The following GRM5 variants were observed in gnomAD, a reference collection of about 807,000 sequenced individuals.
GRM5 encodes the protein glutamate metabotropic receptor 5.
In GRM5, 19 loss-of-function variants were observed where a neutral mutation model predicts 83.1. The observed-to-expected ratio is 0.23, with a 90% confidence interval of 0.16 to 0.34. The LOEUF is 0.34. Among genes scored for constraint, GRM5 ranks in the 10% least tolerant of loss-of-function variants. The pLI, the probability that GRM5 is intolerant of heterozygous loss-of-function variation, is 1.00. For synonymous variants in GRM5, 675 were observed against 633.6 expected, an observed-to-expected ratio of 1.07 and a Z score of -0.98; for missense variants, 1,160 against 1,588.3, an observed-to-expected ratio of 0.73 and a Z score of 4.58.
intron 3 of GRM5, among the ~76,000 whole-genome samples, chr11:88,806,133 G>A (rs1428661839): frequency 6.6e-6 from 1 of 152,142 alleles, no homozygotes; most frequent in Non-Finnish European, 1.5e-5. Context: ...AAAAAACTTT[G>A]TGGTTCTTAA....
chr11:88,876,098 C>T (rs1296543387), intron 2 of GRM5, among the ~76,000 whole-genome samples: 1 of 152,140 alleles, frequency 6.6e-6, no homozygotes, highest in African/African-American at 2.4e-5. Context: ...ATAGCATCTT[C>T]TTCCAATACA....
rs1939682706 is a variant in GRM5 at position 88,653,282 on chromosome 11, G to A, written c.1033C>T (p.Arg345Trp). Residue 345 changes from arginine (R) to tryptophan (W), a missense_variant, in exon 4 of 10, where the codon CGG (arginine) becomes TGG (tryptophan). By Grantham distance (101) the Arg-to-Trp change is moderately radical. This residue lies in a region of GRM5 where 132 missense variants were observed against 197.6 expected (regional missense o/e 0.67). Coordinates refer to ENST00000305447, the MANE Select transcript of GRM5 (RefSeq NM_001143831.3). ...KWFDDYYLKL[R>W]PETNHRNPWF... Reference sequence around the variant, plus strand: ...GGGTTTCGGTGGTTTGTTTCTGGCCGGAGCTTCAGATAATAATCATCAAAC... The same window carrying A: ...GGGTTTCGGTGGTTTGTTTCTGGCCAGAGCTTCAGATAATAATCATCAAAC... 1 of 1,612,994 alleles carries A rather than the reference G, an allele frequency of 6.2e-7. No individual in the cohort carries two copies. Among genetic ancestry groups the A allele is most frequent in the Non-Finnish European group, 8.5e-7 (1 of 1,179,330 alleles).
chr11:89,043,447 C>T (rs567538422), intron 2 of GRM5, among the ~76,000 whole-genome samples: 1 of 152,246 alleles, frequency 6.6e-6, no homozygotes, highest in East Asian at 1.9e-4. Context: ...AACATTCAGA[C>T]TTTAAGGGAA....
intron 3 of GRM5, among the ~76,000 whole-genome samples, chr11:88,763,844 A>G (rs936281308): frequency 1.8e-4 from 28 of 151,808 alleles, no homozygotes; most frequent in African/African-American, 5.6e-4. Flanking sequence ...TATAGAAAAG[A>G]AAAAGCAAAA....
At chr11:88,716,164 G>T (rs1723212359) in intron 3 of GRM5, among the ~76,000 whole-genome samples, 1 of 151,984 alleles carries the variant, frequency 6.6e-6, no homozygotes, top group African/African-American at 2.4e-5. Flanking sequence ...GCTTGGGCCA[G>T]CACCAGCCCA....
intron 2 of GRM5, among the ~76,000 whole-genome samples, chr11:89,013,794 C>A (rs1328273482): frequency 1.3e-5 from 2 of 152,136 alleles, no homozygotes; most frequent in African/African-American, 2.4e-5. Flanking sequence ...GATCCCTTAA[C>A]AATTTTAATC....
intron 3 of GRM5, among the ~76,000 whole-genome samples, chr11:88,835,562 T>C (rs562167865): frequency 6.6e-6 from 1 of 152,274 alleles, no homozygotes; most frequent in African/African-American, 2.4e-5. Context: ...GAGTGGAATA[T>C]GATGGCAAAG....
chr11:88,823,860 G>A (rs1035799636), intron 3 of GRM5, among the ~76,000 whole-genome samples: 3 of 152,026 alleles, frequency 2.0e-5, no homozygotes, highest in Non-Finnish European at 2.9e-5. Context: ...CTGTACTCTG[G>A]ATACGTTTCA....
chr11:88,659,839 C>A (rs1939858435), intron 3 of GRM5, among the ~76,000 whole-genome samples: 1 of 152,128 alleles, frequency 6.6e-6, no homozygotes, highest in African/African-American at 2.4e-5. Flanking sequence ...ATTTAAAAAT[C>A]TATCTCCCTT....
intron 4 of GRM5, among the ~76,000 whole-genome samples, chr11:88,620,655 GAA>G (rs571977748): frequency 7.0e-4 from 107 of 152,260 alleles, no homozygotes; most frequent in Admixed American, 5.5e-3. Context: ...TTGTAGGGAA[GAA>G]AACAAATAGT....
At chr11:89,019,702 T>C (rs1940937149) in intron 2 of GRM5, among the ~76,000 whole-genome samples, 1 of 152,106 alleles carries the variant, frequency 6.6e-6, no homozygotes, top group Non-Finnish European at 1.5e-5. Context: ...AGCAAAACTC[T>C]GTCAAACAAC....
intron 2 of GRM5, among the ~76,000 whole-genome samples, chr11:88,875,573 G>A (rs542172862): frequency 2.0e-5 from 3 of 152,096 alleles, no homozygotes; most frequent in African/African-American, 7.2e-5. Context: ...CTTTCCCAGA[G>A]ATTTTCAATT....
At chr11:88,720,788 T>C (rs1941514058) in intron 3 of GRM5, among the ~76,000 whole-genome samples, 1 of 141,386 alleles carries the variant, frequency 7.1e-6, no homozygotes, top group Admixed American at 7.4e-5. Context: ...TGCAGGAAAA[T>C]CATTACTCTG....
chr11:88,943,374 C>T (rs1042560374), intron 2 of GRM5, among the ~76,000 whole-genome samples: 25 of 152,018 alleles, frequency 1.6e-4, no homozygotes, highest in Non-Finnish European at 1.3e-4. Context: ...ATCAGATAAT[C>T]TTTTTCAGAT....
chr11:88,994,618 A>C (rs1591030985), intron 2 of GRM5, among the ~76,000 whole-genome samples: 2 of 149,332 alleles, frequency 1.3e-5, no homozygotes, highest in East Asian at 1.9e-4. Flanking sequence ...CAGAAAAAAA[A>C]AAAAAAAAAC....
intron 2 of GRM5, among the ~76,000 whole-genome samples, chr11:88,906,044 T>C (rs1274288804): frequency 6.6e-6 from 1 of 152,220 alleles, no homozygotes; most frequent in Non-Finnish European, 1.5e-5. Flanking sequence ...CCCTTAAATT[T>C]ACTTAGTGTA....
At chr11:88,779,333 C>T (rs1942925942) in intron 3 of GRM5, among the ~76,000 whole-genome samples, 1 of 152,088 alleles carries the variant, frequency 6.6e-6, no homozygotes, top group Non-Finnish European at 1.5e-5. Flanking sequence ...CAGAACCTAG[C>T]ATGGTAATAT....
At chr11:88,929,288 A>G (rs1349217309) in intron 2 of GRM5, among the ~76,000 whole-genome samples, 1 of 152,134 alleles carries the variant, frequency 6.6e-6, no homozygotes, top group African/African-American at 2.4e-5. Context: ...CTAGTTAAAT[A>G]TTAATAAGCC....
intron 4 of GRM5, among the ~76,000 whole-genome samples, chr11:88,612,615 C>T (rs1434924165): frequency 6.6e-6 from 1 of 152,046 alleles, no homozygotes; most frequent in Admixed American, 6.5e-5. Flanking sequence ...TTCTCCACAT[C>T]CTCTCCAGCA....
Sources: allele counts gnomAD v4.1 joint callset (sites outside exome capture counted in the v4.1 genomes callset), GRCh38; gene constraint gnomAD v4.1.1; regional missense constraint gnomAD v4.1.1; transcripts MANE v1.5; gene names NCBI Gene and HGNC (gene_info 2026-07-23, HGNC 2026-07-21).